Variants in OSTN observed in about 807,000 individuals in gnomAD.
The protein encoded by OSTN is osteocrin.
OSTN carries 9 observed loss-of-function variants against 12.0 expected under a neutral mutation model. That is an observed-to-expected ratio of 0.75 (90% CI 0.45 to 1.30). The LOEUF is 1.30. Ranked by LOEUF, OSTN falls within the 50% of genes most tolerant of loss-of-function variation. The pLI is 0.00. For missense variants in OSTN, 148 were observed against 152.3 expected (o/e 0.97, Z 0.15); for synonymous variants, 59 against 56.9 (o/e 1.04, Z -0.16).
At chr3:191,208,813 A>C (rs1714346414) in intron 1 of OSTN, among the ~76,000 whole-genome samples, 1 of 152,250 alleles carries the variant, frequency 6.6e-6, no homozygotes, top group Non-Finnish European at 1.5e-5. Context: ...AAAGGAAAAC[A>C]TAAAGAATTG....
At chr3:191,199,502 T>G (rs1714106172) in intron 1 of OSTN, among the ~76,000 whole-genome samples, 195 bp downstream of exon 1, 1 of 152,120 alleles carries the variant, frequency 6.6e-6, no homozygotes, top group African/African-American at 2.4e-5. Context: ...AATTGCTTAT[T>G]CAGATATTTC....
chr3:191,221,553 A>G (rs1237990628), intron 3 of OSTN, among the ~76,000 whole-genome samples: 3 of 151,990 alleles, frequency 2.0e-5, no homozygotes, highest in African/African-American at 7.2e-5. Flanking sequence ...TGCAATGCAA[A>G]GAGATTGATA....
intron 3 of OSTN, among the ~76,000 whole-genome samples, chr3:191,222,863 T>C (rs375081287): frequency 5.3e-5 from 8 of 151,998 alleles, no homozygotes; most frequent in African/African-American, 1.5e-4. Context: ...TCTCATGAGA[T>C]CTGATGATTT....
chr3:191,240,769 G>A (rs891542749), intron 3 of OSTN, among the ~76,000 whole-genome samples: 1 of 152,254 alleles, frequency 6.6e-6, no homozygotes, highest in African/African-American at 2.4e-5. Context: ...GGCTGTTGGC[G>A]AGAGGCCTTA....
chr3:191,205,132 T>C (rs975244813), intron 1 of OSTN, among the ~76,000 whole-genome samples: 35 of 152,318 alleles, frequency 2.3e-4, no homozygotes, highest in African/African-American at 7.7e-4. Context: ...GGCTTATTTA[T>C]TTGAACTCTA....
At chr3:191,227,176 G>T (rs1486664148) in intron 3 of OSTN, among the ~76,000 whole-genome samples, 2 of 152,046 alleles carry the variant, frequency 1.3e-5, no homozygotes, top group African/African-American at 4.8e-5. Context: ...TAGAAAAATG[G>T]TGTAAAAACA....
intron 4 of OSTN, among the ~76,000 whole-genome samples, chr3:191,259,364 A>G (rs1211743375): frequency 6.6e-6 from 1 of 151,814 alleles, no homozygotes; most frequent in African/African-American, 2.4e-5. Context: ...TGTAGCCCCC[A>G]GCTAATTTTT....
At chr3:191,246,172 C>A (rs939423471) in intron 3 of OSTN, among the ~76,000 whole-genome samples, 80 of 151,208 alleles carry the variant, frequency 5.3e-4, no homozygotes, top group African/African-American at 1.9e-3. Context: ...CATGTGACTG[C>A]TTTCCCCAGC....
intron 3 of OSTN, among the ~76,000 whole-genome samples, chr3:191,234,281 CA>C (rs1257108777): frequency 2.0e-5 from 3 of 151,992 alleles, no homozygotes; most frequent in Non-Finnish European, 4.4e-5. Flanking sequence ...AGACTATTTA[CA>C]AAACTCTGGG....
intron 3 of OSTN, among the ~76,000 whole-genome samples, chr3:191,241,339 C>T (rs1576935489): frequency 6.6e-6 from 1 of 151,666 alleles, no homozygotes; most frequent in Non-Finnish European, 1.5e-5. Context: ...CTCGCCAGCA[C>T]GCCCGGCTAA....
At chr3:191,241,080 A>G (rs1314933017) in intron 3 of OSTN, among the ~76,000 whole-genome samples, 1 of 151,598 alleles carries the variant, frequency 6.6e-6, no homozygotes, top group African/African-American at 2.4e-5. Context: ...AAATTACTGA[A>G]CTATTTGAAA....
intron 3 of OSTN, among the ~76,000 whole-genome samples, chr3:191,224,240 G>A (rs1714848435): frequency 6.6e-6 from 1 of 151,910 alleles, no homozygotes; most frequent in Non-Finnish European, 1.5e-5. Flanking sequence ...AGCCAACCAT[G>A]GTGGTGCATG....
At chr3:191,242,514 A>G in intron 3 of OSTN, among the ~76,000 whole-genome samples, 1 of 152,178 alleles carries the variant, frequency 6.6e-6, no homozygotes, top group East Asian at 1.9e-4. Flanking sequence ...TTTTTTTAAA[A>G]AGAAACATGA....
chr3:191,218,344 A>G (rs1358316167), intron 2 of OSTN, among the ~76,000 whole-genome samples: 2 of 152,168 alleles, frequency 1.3e-5, no homozygotes, highest in Non-Finnish European at 2.9e-5. Context: ...TTCTAAGGCC[A>G]GGTGTTGTGG....
At chr3:191,203,114 C>T (rs1480829300) in intron 1 of OSTN, among the ~76,000 whole-genome samples, 1 of 152,194 alleles carries the variant, frequency 6.6e-6, no homozygotes, top group East Asian at 1.9e-4. Context: ...GCTGTAGAAA[C>T]ATAGGCTAAT....
chr3:191,238,892 T>C (rs1483320641), intron 3 of OSTN, among the ~76,000 whole-genome samples: 3 of 152,232 alleles, frequency 2.0e-5, no homozygotes, highest in African/African-American at 7.2e-5. Context: ...CCTGATTCCA[T>C]ATATAGGCTT....
intron 1 of OSTN, among the ~76,000 whole-genome samples, chr3:191,202,470 T>A (rs576929611): frequency 6.6e-6 from 1 of 152,322 alleles, no homozygotes; most frequent in South Asian, 2.1e-4. Flanking sequence ...GTATGCCTAA[T>A]AAATGCATCC....
intron 3 of OSTN, among the ~76,000 whole-genome samples, chr3:191,224,568 G>T (rs547236332): frequency 9.1e-4 from 138 of 152,036 alleles, no homozygotes; most frequent in African/African-American, 3.2e-3. Flanking sequence ...AGTGAATATG[G>T]AACATTTATA....
chr3:191,254,885 C>T (rs901210187), intron 4 of OSTN, among the ~76,000 whole-genome samples: 2 of 152,114 alleles, frequency 1.3e-5, no homozygotes, highest in Admixed American at 6.5e-5. Flanking sequence ...TTAACCAAAT[C>T]AAAGATTTAT....
Sources: allele counts gnomAD v4.1 joint callset (sites outside exome capture counted in the v4.1 genomes callset), GRCh38; gene constraint gnomAD v4.1.1; transcripts MANE v1.5; gene names NCBI Gene and HGNC (gene_info 2026-07-23, HGNC 2026-07-21).